DNAJC3: variants seen among roughly 807,000 people sequenced by gnomAD.
The protein encoded by DNAJC3 is dnaJ homolog subfamily C member 3.
In DNAJC3, 38 loss-of-function variants were observed where a neutral mutation model predicts 68.6. That is an observed-to-expected ratio of 0.55 (90% confidence interval 0.43 to 0.73). DNAJC3 has a LOEUF of 0.73. DNAJC3 is among the 30% of genes least tolerant of loss of function. The pLI is 0.00. For synonymous variants in DNAJC3, 203 were observed against 204.0 expected (o/e 1.00, Z 0.04); for missense variants, 526 against 591.9 (o/e 0.89, Z 1.16).
At chr13:95,764,486 AG>A (rs1171397729) in intron 9 of DNAJC3, among the ~76,000 whole-genome samples, 6 of 149,580 alleles carry the variant, frequency 4.0e-5, no homozygotes, top group Admixed American at 6.7e-5. Flanking sequence ...CAAGCTGTTT[AG>A]TAACATAGGA....
At chr13:95,763,444 A>G (rs532688415) in intron 7 of DNAJC3, among the ~76,000 whole-genome samples, 199 bp from the exon 8 acceptor site, 112 of 152,252 alleles carry the variant, frequency 7.4e-4, no homozygotes, top group Non-Finnish European at 1.2e-3. Context: ...CTATGGTCAT[A>G]TGTTTTTATT....
intron 4 of DNAJC3, chr13:95,745,573 C>T (rs1882278470): frequency 6.6e-6 from 1 of 152,236 alleles, no homozygotes; most frequent in South Asian, 2.1e-4. Context: ...TGCATAAGAA[C>T]ATTTGACTGA....
chr13:95,757,180 A>G (rs1219783250), intron 4 of DNAJC3, among the ~76,000 whole-genome samples: 1 of 152,080 alleles, frequency 6.6e-6, no homozygotes. Context: ...AAATCTTACA[A>G]CCTCTAAAAA....
chr13:95,715,618 G>T (rs955308845), intron 2 of DNAJC3, among the ~76,000 whole-genome samples: 1 of 151,638 alleles, frequency 6.6e-6, no homozygotes, highest in Non-Finnish European at 1.5e-5. Context: ...AGCCCGAGCA[G>T]CTAGGAGTAT....
intron 4 of DNAJC3, among the ~76,000 whole-genome samples, chr13:95,739,791 T>C (rs574456674): frequency 1.3e-5 from 2 of 152,344 alleles, no homozygotes; most frequent in South Asian, 2.1e-4. Context: ...TTTGATCGTC[T>C]GAAGCCTTCT....
At position 95,790,920 on chromosome 13, in the gene DNAJC3, A is replaced by G. The variant is rs1349500230; in HGVS notation, c.1405A>G (p.Ser469Gly). ...DDGEDPLDAE[S>G]QQGGGGNPFH... ...CGGAGAAGATCCTTTGGATGCAGAG[A>G]GCCAGCAAGGAGGCGGCGGCAACCC... is the stretch of plus-strand genomic sequence containing the variant. Residue 469 changes from serine to glycine, a missense_variant, in exon 12 of 12, where the codon AGC (serine) becomes GGC (glycine). Ser to Gly is a moderately conservative substitution (Grantham distance 56). Coordinates refer to ENST00000602402, the MANE Select transcript of DNAJC3 (RefSeq NM_006260.5). 14 of 1,607,668 alleles carry G rather than the reference A, an allele frequency of 8.7e-6. No individual in the cohort carries two copies. The highest frequency in any genetic ancestry group is 1.1e-5 in the Non-Finnish European group (13 of 1,178,664).
At chr13:95,782,014 C>T (rs1883470676) in intron 9 of DNAJC3, among the ~76,000 whole-genome samples, 1 of 152,046 alleles carries the variant, frequency 6.6e-6, no homozygotes, top group African/African-American at 2.4e-5. Context: ...TCCACATGTT[C>T]CCATTGTTCA....
In DNAJC3 at chr13:95,791,020, A is replaced by G. The variant is rs766692478; in HGVS notation, c.1505A>G (p.His502Arg). The G allele has an allele frequency of 1.2e-6, 2 of 1,613,714 alleles. No homozygotes were observed. Among genetic ancestry groups the G allele is most frequent in the Admixed American group, 1.7e-5 (1 of 59,932 alleles). Residue 502 changes from histidine to arginine, a missense_variant, in exon 12 of 12, where the codon CAC becomes CGC. Physicochemically the swap from His to Arg is conservative, Grantham distance 29. Transcript: ENST00000602402. ...SSGGPFRFKF[H>R]FN ...GGCGGACCATTTAGATTTAAATTCC[A>G]CTTCAATTAAACCAACTGTTTTTCT...
intron 3 of DNAJC3, among the ~76,000 whole-genome samples, chr13:95,724,371 C>A (rs1205920084): frequency 6.6e-6 from 1 of 152,002 alleles, no homozygotes; most frequent in Non-Finnish European, 1.5e-5. Flanking sequence ...AGTTGGTATT[C>A]TTGAAAGAAA....
In DNAJC3 at chr13:95,784,062, C is replaced by T. The variant is rs141869430; in HGVS notation, c.1076-1877C>T. ...TGCATTTGGCTGTCTCAGTCTTAGG[C>T]CAATATCTTTCTCATTTTAATCTGT... is the stretch of plus-strand genomic sequence containing the variant. On this transcript the variant is annotated intron_variant, in intron 9 of 11. Transcript: ENST00000602402. Among the ~76,000 whole-genome samples, 115 of 152,278 alleles carry T rather than the reference C, an allele frequency of 7.6e-4. 1 individual carries two copies. In the East Asian group the frequency reaches 0.021, roughly 28 times the overall value.
intron 4 of DNAJC3, among the ~76,000 whole-genome samples, chr13:95,731,321 C>A (rs139966288): frequency 2.4e-4 from 36 of 152,196 alleles, no homozygotes; most frequent in Middle Eastern, 3.4e-3. Flanking sequence ...CCTAGGAATC[C>A]CAGTACTGAC....
At chr13:95,723,869 AATC>A (rs1809673914) in intron 3 of DNAJC3, among the ~76,000 whole-genome samples, 1 of 151,918 alleles carries the variant, frequency 6.6e-6, no homozygotes, top group Non-Finnish European at 1.5e-5. Context: ...CCTAGTAGGA[AATC>A]CTGATGATTG....
At chr13:95,740,557 G>T (rs1383815498) in intron 4 of DNAJC3, among the ~76,000 whole-genome samples, 1 of 152,242 alleles carries the variant, frequency 6.6e-6, no homozygotes, top group Non-Finnish European at 1.5e-5. Flanking sequence ...GTATTCGGGT[G>T]GGAGTGACCC....
intron 1 of DNAJC3, among the ~76,000 whole-genome samples, chr13:95,705,308 G>T (rs1244087842): frequency 6.6e-6 from 1 of 152,112 alleles, no homozygotes; most frequent in Non-Finnish European, 1.5e-5. Flanking sequence ...AAGAGCCTCT[G>T]CATTGATGTG....
chr13:95,682,312 C>T (rs1237330504), intron 1 of DNAJC3, among the ~76,000 whole-genome samples: 1 of 151,988 alleles, frequency 6.6e-6, no homozygotes, highest in African/African-American at 2.4e-5. Context: ...ATTCTAAGTG[C>T]TCCAACCTGA....
intron 1 of DNAJC3, among the ~76,000 whole-genome samples, chr13:95,685,780 T>A (rs1228420028): frequency 2.0e-5 from 3 of 152,174 alleles, no homozygotes; most frequent in Non-Finnish European, 4.4e-5. Context: ...TTTCTTCACC[T>A]CCATGCTAAC....
chr13:95,710,233 CT>C (rs66976007), intron 2 of DNAJC3, among the ~76,000 whole-genome samples: 84,348 of 130,852 alleles, frequency 0.64, 25,803 homozygotes, highest in African/African-American at 0.79. Flanking sequence ...CTTTTCTTTT[CT>C]TTTTTTTTTT....
rs116554280 is a variant in DNAJC3 at position 95,760,318 on chromosome 13, G to A, written c.728+97G>A. The A allele has an allele frequency of 2.0e-3, 2,286 of 1,123,136 alleles. 54 individuals are homozygous for A. In the African/African-American group the frequency reaches 0.034, roughly 17 times the overall value. 69.6% of individuals were successfully genotyped at this position (1,123,136 alleles called of 1,614,324 possible). A position where few individuals can be genotyped will look rare whatever the true frequency, so the allele number is the denominator to read the frequency against. ...CATTTTAATATTAAATTAATAAGAT[G>A]ATGGTAGTTAAGGCTGTTTTTATAT... On this transcript the variant is annotated intron_variant, in intron 6 of 11. Coordinates refer to ENST00000602402, the MANE Select transcript of DNAJC3 (RefSeq NM_006260.5).
At chr13:95,725,788 AG>A (rs1196004236) in intron 4 of DNAJC3, among the ~76,000 whole-genome samples, 8 of 149,326 alleles carry the variant, frequency 5.4e-5, no homozygotes, top group African/African-American at 1.7e-4. Flanking sequence ...CTCGTCATTT[AG>A]CATTAGGTAT....
Sources: gnomAD v4.1 joint callset for allele counts (sites outside exome capture counted in the v4.1 genomes callset) on GRCh38, gnomAD v4.1.1 for gene constraint, MANE v1.5 for transcripts, NCBI Gene and HGNC (gene_info 2026-07-23, HGNC 2026-07-21) for gene names.